Variants in CSMD3 observed in about 807,000 individuals in gnomAD.
CSMD3 encodes the protein CUB and sushi domain-containing protein 3.
CSMD3 carries 177 observed loss-of-function variants against 435.2 expected under a neutral mutation model. The observed-to-expected ratio is 0.41, with a 90% CI of 0.36 to 0.46. The LOEUF (loss-of-function observed/expected upper bound fraction) is 0.46, where lower values mean the gene tolerates loss of function less well. Ranked by LOEUF, CSMD3 falls within the 20% of genes least tolerant of loss-of-function variation. CSMD3 has a pLI of 0.34. For synonymous variants in CSMD3, 1,656 were observed against 1,520.5 expected (o/e 1.09, Z -2.07); for missense variants, 4,265 against 4,504.6 (o/e 0.95, Z 1.52).
At chr8:112,877,777 A>T (rs928969453) in intron 10 of CSMD3, among the ~76,000 whole-genome samples, 1 of 152,152 alleles carries the variant, frequency 6.6e-6, no homozygotes. Context: ...ATCTACAACC[A>T]TCTGATCTCT....
intron 3 of CSMD3, among the ~76,000 whole-genome samples, chr8:113,269,799 T>C (rs1011725921): frequency 2.0e-5 from 3 of 152,094 alleles, no homozygotes; most frequent in Non-Finnish European, 2.9e-5. Context: ...TTACACCTTA[T>C]ACAAAAATTA....
rs1821414948 is a variant in CSMD3 at position 112,306,284 on chromosome 8, A to G, written c.7886-92T>C. ...GCTGAACTGTAAAACATGCAAAACT[A>G]ACGGGGATTTTTATCAATTCCTCTG... On this transcript the variant is annotated intron_variant, in intron 50 of 70. Coordinates refer to ENST00000297405, the MANE Select transcript of CSMD3 (RefSeq NM_198123.2). 8 of 908,420 alleles carry G rather than the reference A, an allele frequency of 8.8e-6. No homozygotes were observed. In the South Asian group the frequency reaches 9.8e-5, roughly 11 times the overall value. The allele number at this position is 908,420 out of a possible 1,614,324, so 56.3% of individuals were successfully genotyped here. A position where few individuals can be genotyped will look rare whatever the true frequency, so the allele number is the denominator to read the frequency against.
At chr8:112,537,411 T>C (rs1402936062) in intron 27 of CSMD3, among the ~76,000 whole-genome samples, 5 of 151,420 alleles carry the variant, frequency 3.3e-5, no homozygotes, top group Non-Finnish European at 7.4e-5. Context: ...GAAAAAAAAT[T>C]GAGAGTGAAA....
intron 4 of CSMD3, among the ~76,000 whole-genome samples, chr8:113,108,973 T>C (rs2090561605): frequency 6.6e-6 from 1 of 152,196 alleles, no homozygotes; most frequent in South Asian, 2.1e-4. Flanking sequence ...GAGCTAAGTC[T>C]AACTCAAACA....
intron 13 of CSMD3, among the ~76,000 whole-genome samples, chr8:112,730,569 A>T (rs2077053607): frequency 6.6e-6 from 1 of 152,048 alleles, no homozygotes; most frequent in Non-Finnish European, 1.5e-5. Flanking sequence ...GGCTTAAAAA[A>T]TCTTCCTAGC....
At chr8:112,389,202 A>G (rs1174246995) in intron 36 of CSMD3, among the ~76,000 whole-genome samples, 1 of 152,180 alleles carries the variant, frequency 6.6e-6, no homozygotes, top group African/African-American at 2.4e-5. Flanking sequence ...ATAACTAAAG[A>G]AAACATGTCA....
At chr8:112,473,252 G>A (rs1818702481) in intron 31 of CSMD3, among the ~76,000 whole-genome samples, 1 of 152,064 alleles carries the variant, frequency 6.6e-6, no homozygotes, top group African/African-American at 2.4e-5. Context: ...GGCTACCTCA[G>A]GCCCAATGTG....
chr8:112,279,544 A>C (rs970208181), intron 59 of CSMD3, among the ~76,000 whole-genome samples: 6 of 152,198 alleles, frequency 3.9e-5, no homozygotes, highest in African/African-American at 1.4e-4. Flanking sequence ...CCTTCTAATT[A>C]CAATAGTTAA....
At chr8:113,412,563 T>C (rs2094564230) in intron 1 of CSMD3, among the ~76,000 whole-genome samples, 1 of 152,150 alleles carries the variant, frequency 6.6e-6, no homozygotes, top group African/African-American at 2.4e-5. Flanking sequence ...TGATAAAAGA[T>C]GATATATCAA....
At chr8:112,878,663 A>G (rs1325525821) in intron 10 of CSMD3, among the ~76,000 whole-genome samples, 1 of 152,156 alleles carries the variant, frequency 6.6e-6, no homozygotes, top group Non-Finnish European at 1.5e-5. Flanking sequence ...CTTGGAACCA[A>G]TCCAAATGTC....
intron 2 of CSMD3, chr8:113,312,813 C>G (rs2093879620): frequency 6.6e-6 from 1 of 151,864 alleles, no homozygotes. Flanking sequence ...GTCAGACGTG[C>G]GTACCATAAT....
intron 12 of CSMD3, among the ~76,000 whole-genome samples, chr8:112,823,958 G>A (rs1206273777): frequency 6.6e-6 from 1 of 152,130 alleles, no homozygotes; most frequent in Non-Finnish European, 1.5e-5. Flanking sequence ...GGGAGACTAA[G>A]TCTCTTTGTA....
chr8:113,110,082 C>G (rs1325855605), intron 4 of CSMD3, among the ~76,000 whole-genome samples: 1 of 152,142 alleles, frequency 6.6e-6, no homozygotes, highest in Non-Finnish European at 1.5e-5. Context: ...GGAATGGCAG[C>G]CCCATGATCT....
intron 22 of CSMD3, among the ~76,000 whole-genome samples, chr8:112,610,028 G>A (rs2131462887): frequency 6.6e-6 from 1 of 152,128 alleles, no homozygotes; most frequent in Non-Finnish European, 1.5e-5. Flanking sequence ...TAGGGGAAAT[G>A]GTGAGATGTC....
At chr8:112,844,056 T>G (rs1233708832) in intron 11 of CSMD3, among the ~76,000 whole-genome samples, 1 of 151,882 alleles carries the variant, frequency 6.6e-6, no homozygotes. Context: ...TTTCCAAACT[T>G]GTTTCTGCAC....
chr8:113,257,519 T>C (rs972545632), intron 3 of CSMD3, among the ~76,000 whole-genome samples: 6 of 152,220 alleles, frequency 3.9e-5, no homozygotes, highest in Admixed American at 6.5e-5. Flanking sequence ...GGAAGCTCTG[T>C]ACCCTTTCCC....
At chr8:113,185,334 A>G (rs2092483018) in intron 3 of CSMD3, among the ~76,000 whole-genome samples, 1 of 152,076 alleles carries the variant, frequency 6.6e-6, no homozygotes, top group Non-Finnish European at 1.5e-5. Flanking sequence ...TGATGTGGGA[A>G]GAAAGAAAAG....
At chr8:112,590,003 T>A (rs1335071701) in intron 22 of CSMD3, among the ~76,000 whole-genome samples, 4 of 152,144 alleles carry the variant, frequency 2.6e-5, no homozygotes, top group Non-Finnish European at 5.9e-5. Flanking sequence ...GTGAAAAATA[T>A]GTTACAATAA....
At chr8:112,548,486 CAT>C (rs1200520340) in intron 27 of CSMD3, among the ~76,000 whole-genome samples, 3 of 152,106 alleles carry the variant, frequency 2.0e-5, no homozygotes, top group Admixed American at 6.6e-5. Flanking sequence ...TCCTTTCAGA[CAT>C]GTGAGTTTCA....
Sources: allele counts gnomAD v4.1 joint callset (sites outside exome capture counted in the v4.1 genomes callset), GRCh38; gene constraint gnomAD v4.1.1; transcripts MANE v1.5; gene names NCBI Gene and HGNC (gene_info 2026-07-23, HGNC 2026-07-21).